TTLL5: variants seen among roughly 807,000 people sequenced by gnomAD.
TTLL5 encodes the protein tubulin tyrosine ligase like 5, also known as tubulin polyglutamylase TTLL5.
In TTLL5, 132 loss-of-function variants were observed where a neutral mutation model predicts 168.4. The ratio of observed to expected loss-of-function variants is 0.78; its 90% CI spans 0.68 to 0.91. The LOEUF (loss-of-function observed/expected upper bound fraction) is 0.91, where lower values mean the gene tolerates loss of function less well. Ranked by LOEUF, TTLL5 falls within the 40% of genes least tolerant of loss-of-function variation. The probability of loss-of-function intolerance (pLI) is 0.00; values close to 1 mark genes in which losing one functional copy is unlikely to be tolerated. For missense variants in TTLL5, 1,545 were observed against 1,581.5 expected, an observed-to-expected ratio of 0.98 and a Z score of 0.39; for synonymous variants, 546 against 558.6, an observed-to-expected ratio of 0.98 and a Z score of 0.32.
chr14:75,860,356 G>A (rs1897336442), intron 28 of TTLL5, among the ~76,000 whole-genome samples: 1 of 152,136 alleles, frequency 6.6e-6, no homozygotes, highest in Middle Eastern at 3.2e-3. Context: ...GTCTCCTGGG[G>A]ATATTTGTTA....
rs1269312965 is a variant in TTLL5, at chr14:75,783,499, G to A, written c.2955G>A (p.Gln985=). ...SFQSAAHIYS[Q]KLSRPSSAKA... is the part of the protein sequence containing the mutation. ...AAAGTGCTGCACACATCTATAGCCA[G>A]AAACTGTCTCGTCCCTCTTCAGCAA... Residue 985 remains glutamine, a synonymous_variant, in exon 26 of 32, where the codon CAG becomes CAA. Transcript: ENST00000298832. 1 of 1,614,084 alleles carries A rather than the reference G, an allele frequency of 6.2e-7. No individual in the cohort carries two copies. The highest frequency in any genetic ancestry group is 1.1e-5 in the South Asian group (1 of 91,068).
At chr14:75,676,495 G>C (rs1884166105) in intron 3 of TTLL5, among the ~76,000 whole-genome samples, 1 of 152,138 alleles carries the variant, frequency 6.6e-6, no homozygotes, top group Admixed American at 6.5e-5. Flanking sequence ...ATTGCACACA[G>C]AGGGCTACCG....
intron 28 of TTLL5, among the ~76,000 whole-genome samples, chr14:75,846,023 C>T (rs1036837205): frequency 6.6e-6 from 1 of 152,188 alleles, no homozygotes; most frequent in African/African-American, 2.4e-5. Context: ...TTACAAATAT[C>T]TTTACCCTAG....
At chr14:75,952,852 G>A (rs2035003899) in intron 31 of TTLL5, among the ~76,000 whole-genome samples, 1 of 152,216 alleles carries the variant, frequency 6.6e-6, no homozygotes, top group African/African-American at 2.4e-5. Flanking sequence ...GTTGCCTATA[G>A]CTGAGGGATG....
chr14:75,826,590 A>ATGATTATT (rs1207341586), intron 28 of TTLL5, among the ~76,000 whole-genome samples: 1 of 152,208 alleles, frequency 6.6e-6, no homozygotes, highest in South Asian at 2.1e-4. Context: ...TACAAAATGG[A>ATGATTATT]TGATTATTTT....
intron 9 of TTLL5, chr14:75,709,828 T>TAAAAAAAAA (rs60209676): frequency 7.5e-5 from 3 of 39,886 alleles, no homozygotes; most frequent in Non-Finnish European, 1.3e-4. Context: ...CCCATCTCAT[T>TAAAAAAAAA]AAAAAAAAAA....
chr14:75,807,076 C>A (rs1893699960), intron 27 of TTLL5, among the ~76,000 whole-genome samples: 1 of 152,206 alleles, frequency 6.6e-6, no homozygotes, highest in Admixed American at 6.5e-5. Flanking sequence ...CAAGGCCTTT[C>A]ACTTGGCAGT....
At chr14:75,820,989 C>A (rs1400269059) in intron 28 of TTLL5, among the ~76,000 whole-genome samples, 1 of 152,126 alleles carries the variant, frequency 6.6e-6, no homozygotes, top group African/African-American at 2.4e-5. Context: ...CACAGGTGCC[C>A]GACCAAGCCC....
intron 28 of TTLL5, among the ~76,000 whole-genome samples, chr14:75,852,904 T>A (rs904682564): frequency 6.6e-6 from 1 of 152,234 alleles, no homozygotes; most frequent in Non-Finnish European, 1.5e-5. Flanking sequence ...ACCTTTTACA[T>A]TAAGATTTCT....
chr14:75,750,281 T>C (rs928567349), intron 17 of TTLL5, among the ~76,000 whole-genome samples: 9 of 151,974 alleles, frequency 5.9e-5, no homozygotes, highest in African/African-American at 2.2e-4. Context: ...CTTGACCTGC[T>C]TTTTGAAGGG....
chr14:75,727,561 G>A (rs955062179), intron 12 of TTLL5, among the ~76,000 whole-genome samples: 3 of 152,106 alleles, frequency 2.0e-5, no homozygotes, highest in African/African-American at 7.2e-5. Flanking sequence ...GGGGCACAAG[G>A]GAATGTTTGT....
chr14:75,736,122 A>G (rs2140240678), intron 15 of TTLL5, among the ~76,000 whole-genome samples: 1 of 151,954 alleles, frequency 6.6e-6, no homozygotes. Context: ...GCATTCATTG[A>G]TTTGTTGCTT....
chr14:75,879,456 G>A (rs2031681325), intron 29 of TTLL5, among the ~76,000 whole-genome samples: 1 of 152,224 alleles, frequency 6.6e-6, no homozygotes, highest in African/African-American at 2.4e-5. Flanking sequence ...GTAGGTAGAG[G>A]TTTGGGAAGG....
chr14:75,716,342 T>C (rs1281023263), intron 9 of TTLL5, among the ~76,000 whole-genome samples: 1 of 152,206 alleles, frequency 6.6e-6, no homozygotes, highest in Non-Finnish European at 1.5e-5. Context: ...GTCCACATCC[T>C]TTTTCCTAGC....
At chr14:75,663,422 C>A (rs1890880643) in intron 2 of TTLL5, among the ~76,000 whole-genome samples, 199 bp downstream of exon 2, 1 of 152,134 alleles carries the variant, frequency 6.6e-6, no homozygotes, top group Non-Finnish European at 1.5e-5. Flanking sequence ...TCCCTATCAG[C>A]TATGAGAAAT....
In TTLL5 at chr14:75,783,196, C is replaced by G. The variant is rs758830351; in HGVS notation, c.2652C>G (p.Ser884=). Residue 884 remains serine, a synonymous_variant, in exon 26 of 32, where the codon TCC becomes TCG. Coordinates refer to ENST00000298832, the MANE Select transcript of TTLL5 (RefSeq NM_015072.5). ...AGGCAAAATTAGTTTATAGCAATTC[C>G]TCCTCTGGTCCTACTGCTACTCTGC... ...EKEAKLVYSN[S]SSGPTATLQK... The G allele has an allele frequency of 2.1e-5, 34 of 1,613,646 alleles. No individual in the cohort carries two copies. The highest frequency in any genetic ancestry group is 2.8e-5 in the Non-Finnish European group (33 of 1,180,014).
chr14:75,744,192 A>G (rs1889454255), intron 15 of TTLL5, among the ~76,000 whole-genome samples: 1 of 152,156 alleles, frequency 6.6e-6, no homozygotes, highest in South Asian at 2.1e-4. Flanking sequence ...TCAAGAGGAC[A>G]ATTTGCACCC....
chr14:75,744,369 GT>G (rs1222513288), intron 15 of TTLL5: 1 of 152,106 alleles, frequency 6.6e-6, no homozygotes, highest in Non-Finnish European at 1.5e-5. Context: ...TAAAACTTGT[GT>G]TTTCAGATGA....
chr14:75,765,468 G>GT (rs1318899752), intron 19 of TTLL5, among the ~76,000 whole-genome samples: 1 of 151,994 alleles, frequency 6.6e-6, no homozygotes, highest in Non-Finnish European at 1.5e-5. Flanking sequence ...AGGGTTTTTT[G>GT]TTTTTTTATT....
Sources: allele counts gnomAD v4.1 joint callset (sites outside exome capture counted in the v4.1 genomes callset), GRCh38; gene constraint gnomAD v4.1.1; transcripts MANE v1.5; gene names NCBI Gene and HGNC (gene_info 2026-07-23, HGNC 2026-07-21).